The following SNTG2 variants were observed in gnomAD, a reference collection of about 807,000 sequenced individuals.
SNTG2 encodes syntrophin gamma 2.
Under a neutral mutation model 70.9 loss-of-function variants are expected in SNTG2, and 74 were observed. That is an observed-to-expected ratio of 1.04 (90% CI 0.86 to 1.27). The LOEUF (loss-of-function observed/expected upper bound fraction) is 1.27, where lower values mean the gene tolerates loss of function less well. Ranked by LOEUF, SNTG2 falls within the 50% of genes most tolerant of loss-of-function variation. The probability of loss-of-function intolerance (pLI) is 0.00; values close to 1 mark genes in which losing one functional copy is unlikely to be tolerated. For missense variants in SNTG2, 717 were observed against 690.7 expected, an observed-to-expected ratio of 1.04 and a Z score of -0.43; for synonymous variants, 278 against 273.8, an observed-to-expected ratio of 1.02 and a Z score of -0.15.
chr2:1,228,210 G>A lies in SNTG2; in HGVS notation c.720-9678G>A, dbSNP rs571109509. 4.6e-5 allele frequency among the ~76,000 whole-genome samples: 7 copies of A among 152,354 alleles called. No individual in the cohort carries two copies. In the East Asian group the frequency reaches 9.6e-4, roughly 21 times the overall value. ...ACTTTCGAGCTGGCGGGGGGCCCTCGTGGTCATGGACTGTGAATTACCCAT... is the reference window on the plus strand; with the variant it reads ...ACTTTCGAGCTGGCGGGGGGCCCTCATGGTCATGGACTGTGAATTACCCAT... On this transcript the variant is annotated intron_variant, in intron 9 of 16. Transcript: ENST00000308624.
intron 11 of SNTG2, among the ~76,000 whole-genome samples, chr2:1,243,434 T>C (rs28688264): frequency 0.22 from 33,726 of 152,094 alleles, 5,960 homozygotes; most frequent in African/African-American, 0.48. Flanking sequence ...CAGAATTAGA[T>C]GGTAATTCCA....
intron 1 of SNTG2, among the ~76,000 whole-genome samples, chr2:1,082,739 C>G (rs1290567541): frequency 6.6e-6 from 1 of 152,248 alleles, no homozygotes; most frequent in African/African-American, 2.4e-5. Context: ...CGCCCAAGCC[C>G]TGTGCCTGAC....
intron 6 of SNTG2, among the ~76,000 whole-genome samples, chr2:1,144,378 C>T (rs1668962955): frequency 6.6e-6 from 1 of 152,156 alleles, no homozygotes; most frequent in East Asian, 1.9e-4. Context: ...TGGACATCTA[C>T]AGACTACTTC....
intron 4 of SNTG2, among the ~76,000 whole-genome samples, chr2:1,113,113 TACTA>T (rs1666620099): frequency 1.3e-5 from 2 of 148,818 alleles, no homozygotes. Context: ...GGATCGTGTG[TACTA>T]AGTGAGGTTT....
chr2:1,346,827 C>G (rs1660312398), intron 16 of SNTG2, among the ~76,000 whole-genome samples: 3 of 152,130 alleles, frequency 2.0e-5, no homozygotes, highest in African/African-American at 4.8e-5. Flanking sequence ...CGGGGGCTTA[C>G]AAGTCATAGG....
chr2:1,221,945 G>C (rs141102769), intron 9 of SNTG2, among the ~76,000 whole-genome samples: 6 of 452 alleles, frequency 0.013, 1 homozygote, highest in African/African-American at 0.051. Context: ...GTCTCTGTCT[G>C]TCTCTGTCTC....
intron 16 of SNTG2, among the ~76,000 whole-genome samples, chr2:1,337,697 G>T (rs1659889056): frequency 6.6e-6 from 1 of 152,074 alleles, no homozygotes; most frequent in Admixed American, 6.5e-5. Context: ...TAATGTTGGT[G>T]CAATCTAATT....
intron 6 of SNTG2, among the ~76,000 whole-genome samples, chr2:1,146,265 C>T (rs1162198866): frequency 6.6e-6 from 1 of 152,074 alleles, no homozygotes; most frequent in Non-Finnish European, 1.5e-5. Flanking sequence ...AAATGAAAAA[C>T]TGGACTTTGA....
chr2:1,302,839 C>T (rs955274196), intron 14 of SNTG2, among the ~76,000 whole-genome samples: 1 of 151,936 alleles, frequency 6.6e-6, no homozygotes, highest in Admixed American at 6.6e-5. Context: ...GCAAGAGTAG[C>T]CCTATTATCA....
chr2:1,087,454 T>G (rs1025259462), intron 2 of SNTG2, among the ~76,000 whole-genome samples: 1 of 152,192 alleles, frequency 6.6e-6, no homozygotes, highest in Non-Finnish European at 1.5e-5. Flanking sequence ...AAATGCAGGT[T>G]AGGCCACTGG....
intron 11 of SNTG2, among the ~76,000 whole-genome samples, chr2:1,244,854 C>G (rs372999136): frequency 1.3e-5 from 2 of 152,176 alleles, no homozygotes; most frequent in South Asian, 4.1e-4. Flanking sequence ...TTTTTGCCTG[C>G]TGCAGTTATC....
chr2:1,274,606 G>C (rs957173290), intron 14 of SNTG2, among the ~76,000 whole-genome samples: 2 of 151,960 alleles, frequency 1.3e-5, no homozygotes, highest in Non-Finnish European at 2.9e-5. Flanking sequence ...CCTGGATTTT[G>C]TTCTAAGAAC....
intron 1 of SNTG2, among the ~76,000 whole-genome samples, chr2:1,061,847 G>A (rs1314660733): frequency 6.6e-6 from 1 of 152,070 alleles, no homozygotes; most frequent in Non-Finnish European, 1.5e-5. Context: ...TTGGAATGGA[G>A]CAATATAAAA....
At chr2:1,099,021 A>G (rs112776354) in intron 4 of SNTG2, among the ~76,000 whole-genome samples, 2 of 152,322 alleles carry the variant, frequency 1.3e-5, no homozygotes, top group Admixed American at 1.3e-4. Flanking sequence ...CACACATTCC[A>G]CTATCGGGTA....
chr2:1,018,992 G>A (rs1050986865), intron 1 of SNTG2, among the ~76,000 whole-genome samples: 4 of 152,184 alleles, frequency 2.6e-5, no homozygotes, highest in Non-Finnish European at 4.4e-5. Context: ...AATACAGCAC[G>A]CATGCAGAGC....
chr2:1,331,835 T>C (rs150999492), intron 16 of SNTG2, among the ~76,000 whole-genome samples: 29 of 152,344 alleles, frequency 1.9e-4, no homozygotes, highest in African/African-American at 6.5e-4. Flanking sequence ...TTAAGATCTC[T>C]CATTGCATGT....
At chr2:1,175,486 C>T (rs1386012026) in intron 8 of SNTG2, among the ~76,000 whole-genome samples, 1 of 152,140 alleles carries the variant, frequency 6.6e-6, no homozygotes, top group African/African-American at 2.4e-5. Flanking sequence ...GGGATTTTGA[C>T]TGTAATTGCC....
intron 1 of SNTG2, among the ~76,000 whole-genome samples, chr2:1,017,035 A>G (rs1185211181): frequency 6.6e-6 from 1 of 152,162 alleles, no homozygotes; most frequent in Non-Finnish European, 1.5e-5. Context: ...AATCTTTCTT[A>G]TCTCTAGGCT....
chr2:1,031,528 A>ATTTTTTTTT (rs745388505), intron 1 of SNTG2, among the ~76,000 whole-genome samples: 17 of 59,110 alleles, frequency 2.9e-4, no homozygotes, highest in Non-Finnish European at 4.1e-4. Flanking sequence ...ATATATATAT[A>ATTTTTTTTT]TTTTTTTTTT....
Sources: gnomAD v4.1 joint callset for allele counts (sites outside exome capture counted in the v4.1 genomes callset) on GRCh38, gnomAD v4.1.1 for gene constraint, MANE v1.5 for transcripts, NCBI Gene and HGNC (gene_info 2026-07-23, HGNC 2026-07-21) for gene names.